Variants in RFX7 observed in about 807,000 individuals in gnomAD.
RFX7 encodes the protein regulatory factor X7.
In RFX7, 26 loss-of-function variants were observed where a neutral mutation model predicts 111.8. That is an observed-to-expected ratio of 0.23 (90% confidence interval 0.17 to 0.32). The LOEUF (loss-of-function observed/expected upper bound fraction) is 0.32, where lower values mean the gene tolerates loss of function less well. Ranked by LOEUF, RFX7 falls within the 10% of genes least tolerant of loss-of-function variation. The pLI, the probability that RFX7 is intolerant of heterozygous loss-of-function variation, is 1.00. For missense variants in RFX7, 1,573 were observed against 1,772.9 expected, an observed-to-expected ratio of 0.89 and a Z score of 2.02; for synonymous variants, 624 against 624.4, an observed-to-expected ratio of 1.00 and a Z score of 0.01.
In RFX7 at chr15:56,096,175, G is replaced by A. The variant is rs770088053; in HGVS notation, c.1553C>T (p.Ser518Leu). Residue 518 changes from serine to leucine, a missense_variant, in exon 10 of 10, where the codon TCG becomes TTG. This residue lies in a region of RFX7 where 625 missense variants were observed against 632.2 expected (regional missense o/e 0.99). Coordinates refer to ENST00000559447, the MANE Select transcript of RFX7 (RefSeq NM_022841.7). ...GCTCCTGGACCCAGGAGACTGAAGC[G>A]ACACGACAGAACCATTCTTGATCTG... ...VPQIKNGSVV[S>L]LQSPGSRSSS... is the part of the protein sequence containing the mutation. 3.7e-6 allele frequency: 6 copies of A among 1,613,862 alleles called. No homozygotes were observed. The highest frequency in any genetic ancestry group is 1.6e-4 in the Middle Eastern group (1 of 6,062).
intron 2 of RFX7, among the ~76,000 whole-genome samples, chr15:56,200,980 G>A (rs1461865516): frequency 1.3e-5 from 2 of 151,712 alleles, no homozygotes; most frequent in African/African-American, 4.8e-5. Flanking sequence ...GGTATTAGGT[G>A]CTTAAATGAT....
chr15:56,124,525 T>C (rs1445865779), intron 5 of RFX7, among the ~76,000 whole-genome samples: 6 of 152,310 alleles, frequency 3.9e-5, no homozygotes, highest in Middle Eastern at 6.8e-3. Flanking sequence ...TCTCCAGCAT[T>C]TATTTGTCTT....
At position 56,094,468 on chromosome 15, in the gene RFX7, T is replaced by C. The variant is rs748605504; in HGVS notation, c.3260A>G (p.Gln1087Arg). 1 of 1,613,944 alleles carries C rather than the reference T, an allele frequency of 6.2e-7. No homozygotes were observed. The highest frequency in any genetic ancestry group is 8.5e-7 in the Non-Finnish European group (1 of 1,179,866). ...VSGHGILPSYQELVEDRFRKP... is the reference protein window; with the variant it reads ...VSGHGILPSYRELVEDRFRKP... ...CCTGAAACGGTCTTCCACTAGTTCCTGATAGCTTGGGAGAATACCATGGCC... is the reference window on the plus strand; with the variant it reads ...CCTGAAACGGTCTTCCACTAGTTCCCGATAGCTTGGGAGAATACCATGGCC... The change falls in exon 10 of 10, where the codon CAG becomes CGG. Residue 1087 changes from glutamine (Q) to arginine (R), a missense_variant. Physicochemically the swap from Gln to Arg is conservative, Grantham distance 43 (BLOSUM62 1). Coordinates refer to ENST00000559447, the MANE Select transcript of RFX7 (RefSeq NM_022841.7).
intron 5 of RFX7, among the ~76,000 whole-genome samples, chr15:56,115,309 C>A (rs898318397): frequency 6.6e-6 from 1 of 152,110 alleles, no homozygotes; most frequent in African/African-American, 2.4e-5. Flanking sequence ...GCTGGGATTA[C>A]AGGGGTGAGC....
intron 2 of RFX7, among the ~76,000 whole-genome samples, chr15:56,241,327 TATC>T (rs1221251663): frequency 6.6e-6 from 1 of 152,200 alleles, no homozygotes; most frequent in Non-Finnish European, 1.5e-5. Flanking sequence ...TGCACTCGAC[TATC>T]ATCATTATTC....
In RFX7 at chr15:56,170,069, G is replaced by A. The variant is rs186975637; in HGVS notation, c.195+9201C>T. ...GGTGGCAACACTTCTATTTTAAACC[G>A]CAGTATGTTTAATGATTGATTCATT... On this transcript the variant is annotated intron_variant, in intron 3 of 9. Transcript: ENST00000559447. Among the ~76,000 whole-genome samples the A allele has an allele frequency of 2.8e-3, 428 of 152,134 alleles. 10 individuals carry two copies. Among genetic ancestry groups the A allele is most frequent in the Non-Finnish European group, 8.2e-4 (56 of 67,992 alleles).
chr15:56,178,203 A>ACACACACG (rs1555423782), intron 3 of RFX7, among the ~76,000 whole-genome samples: 24 of 148,786 alleles, frequency 1.6e-4, no homozygotes, highest in African/African-American at 6.1e-4. Flanking sequence ...ACACACACAC[A>ACACACACG]CACACACAAC....
Position 56,095,946 on chromosome 15 carries a change from C to A in RFX7, c.1782G>T (p.Lys594Asn), listed in dbSNP as rs768479953. 4.4e-6 allele frequency: 7 copies of A among 1,607,570 alleles called. No individual in the cohort carries two copies. The highest frequency in any genetic ancestry group is 1.7e-5 in the Admixed American group (1 of 59,946). The stretch of plus-strand genomic sequence containing the variant: ...TACATTTGGTCCTCTGGTCACAGAC[C>A]TTAGTTGCTTTTATTTCAATGACAC... ...NEGVIEIKAT[K>N]VCDQRTKCKS... Residue 594 changes from lysine (K) to asparagine (N), a missense_variant, in exon 10 of 10, where the codon AAG becomes AAT. This residue lies in a region of RFX7 where 625 missense variants were observed against 632.2 expected (regional missense o/e 0.99). Coordinates refer to ENST00000559447, the MANE Select transcript of RFX7 (RefSeq NM_022841.7).
intron 2 of RFX7, among the ~76,000 whole-genome samples, chr15:56,218,177 G>C (rs1459801935): frequency 1.1e-5 from 1 of 93,512 alleles, no homozygotes; most frequent in East Asian, 3.2e-4. Flanking sequence ...TTTTTGAGAC[G>C]GAGTCTTGCT....
chr15:56,223,350 T>C (rs56798454), intron 2 of RFX7, among the ~76,000 whole-genome samples: 10,243 of 152,234 alleles, frequency 0.067, 465 homozygotes, highest in Admixed American at 0.11. Context: ...CTGTTTCCTT[T>C]ATCCTACTAA....
At chr15:56,203,573 G>C (rs1302404748) in intron 2 of RFX7, among the ~76,000 whole-genome samples, 2 of 152,292 alleles carry the variant, frequency 1.3e-5, no homozygotes, top group African/African-American at 4.8e-5. Flanking sequence ...CTAAGTCACA[G>C]TATGAGATGG....
chr15:56,095,020 G>T lies in RFX7; in HGVS notation c.2708C>A (p.Ser903Tyr). ...TCCCAAACAGTTGCCGTAAGAATGAGAATTGTTCATTGACATTTGCTGCTC... is the reference window on the plus strand; with the variant it reads ...TCCCAAACAGTTGCCGTAAGAATGATAATTGTTCATTGACATTTGCTGCTC... ...LMEQQMSMNNSHSYGNCLGMT... is the reference protein window; with the variant it reads ...LMEQQMSMNNYHSYGNCLGMT... Residue 903 changes from serine (S) to tyrosine (Y), a missense_variant, in exon 10 of 10, where the codon TCT (serine) becomes TAT (tyrosine). Around this residue, in one of 7 missense-constraint regions of RFX7, gnomAD observed 625 missense variants for 632.2 expected, o/e 0.99. Transcript: ENST00000559447. The T allele has an allele frequency of 1.2e-6, 2 of 1,613,858 alleles. No individual in the cohort carries two copies. The highest frequency in any genetic ancestry group is 1.7e-6 in the Non-Finnish European group (2 of 1,179,820).
At chr15:56,196,358 A>G (rs1180857474) in intron 2 of RFX7, among the ~76,000 whole-genome samples, 1 of 152,066 alleles carries the variant, frequency 6.6e-6, no homozygotes, top group African/African-American at 2.4e-5. Flanking sequence ...ATGTATATAC[A>G]TTTACTACAA....
At chr15:56,149,730 C>T (rs1452635461) in intron 3 of RFX7, among the ~76,000 whole-genome samples, 3 of 152,140 alleles carry the variant, frequency 2.0e-5, no homozygotes, top group African/African-American at 4.8e-5. Flanking sequence ...GGTGACTACC[C>T]TACCAGGGCC....
At chr15:56,162,584 G>T (rs1383463839) in intron 3 of RFX7, among the ~76,000 whole-genome samples, 6 of 151,518 alleles carry the variant, frequency 4.0e-5, no homozygotes, top group Non-Finnish European at 8.8e-5. Flanking sequence ...AAAGTTACCA[G>T]AACTTATTTT....
At chr15:56,234,834 A>C (rs924418079) in intron 2 of RFX7, among the ~76,000 whole-genome samples, 2 of 152,220 alleles carry the variant, frequency 1.3e-5, no homozygotes, top group African/African-American at 4.8e-5. Context: ...TCAACTTTAC[A>C]TATTAGAAAA....
At chr15:56,101,699 C>T (rs1418850563) in intron 7 of RFX7, 133 bp from the exon 8 acceptor site, 2 of 799,916 alleles carry the variant, frequency 2.5e-6, no homozygotes, top group Admixed American at 5.4e-5. Context: ...AATTGACCCA[C>T]TGGCAGACAT....
chr15:56,229,534 G>A (rs1304406355), intron 2 of RFX7, among the ~76,000 whole-genome samples: 2 of 152,168 alleles, frequency 1.3e-5, no homozygotes, highest in Non-Finnish European at 1.5e-5. Flanking sequence ...CAAAGTGCTT[G>A]TTTTGTTTTT....
intron 2 of RFX7, among the ~76,000 whole-genome samples, chr15:56,227,444 G>C (rs1199325368): frequency 6.6e-6 from 1 of 151,916 alleles, no homozygotes; most frequent in Non-Finnish European, 1.5e-5. Flanking sequence ...TTTCTCTTTT[G>C]TCTTCCATTC....
Sources: gnomAD v4.1 joint callset for allele counts (sites outside exome capture counted in the v4.1 genomes callset) on GRCh38, gnomAD v4.1.1 for gene constraint, gnomAD v4.1.1 regional missense constraint, MANE v1.5 for transcripts, NCBI Gene and HGNC (gene_info 2026-07-23, HGNC 2026-07-21) for gene names.